SNTG1: variants seen among roughly 807,000 people sequenced by gnomAD.
SNTG1 encodes syntrophin gamma 1.
In SNTG1, 39 loss-of-function variants were observed where a neutral mutation model predicts 74.7. The observed-to-expected ratio is 0.52, with a 90% CI of 0.40 to 0.68. The LOEUF (loss-of-function observed/expected upper bound fraction) is 0.68. SNTG1 is among the 30% of genes least tolerant of loss of function. The probability of loss-of-function intolerance (pLI) is 0.00; values close to 1 mark genes in which losing one functional copy is unlikely to be tolerated. For synonymous variants in SNTG1, 254 were observed against 217.1 expected (o/e 1.17, Z -1.49); for missense variants, 685 against 609.5 (o/e 1.12, Z -1.30).
intron 1 of SNTG1, among the ~76,000 whole-genome samples, chr8:49,932,805 T>C (rs1807716716): frequency 6.6e-6 from 1 of 151,520 alleles, no homozygotes; most frequent in Non-Finnish European, 1.5e-5. Flanking sequence ...TGGCAACCAC[T>C]AATATATTTT....
intron 1 of SNTG1, among the ~76,000 whole-genome samples, chr8:49,933,420 C>A (rs1417845921): frequency 6.6e-6 from 1 of 152,182 alleles, no homozygotes; most frequent in Admixed American, 6.5e-5. Context: ...GCTCAAGATT[C>A]ATTCCTAAAT....
chr8:50,421,168 G>A (rs1397987190), intron 4 of SNTG1, among the ~76,000 whole-genome samples: 1 of 151,756 alleles, frequency 6.6e-6, no homozygotes, highest in Non-Finnish European at 1.5e-5. Flanking sequence ...TACCCCAAGA[G>A]AGGGCTCTTA....
chr8:50,068,319 A>C (rs1821068414), intron 1 of SNTG1, among the ~76,000 whole-genome samples: 1 of 152,092 alleles, frequency 6.6e-6, no homozygotes, highest in South Asian at 2.1e-4. Flanking sequence ...ATCCTTGTTA[A>C]TTGTAGCTTT....
At chr8:50,319,277 T>C (rs1373081693) in intron 2 of SNTG1, among the ~76,000 whole-genome samples, 1 of 152,120 alleles carries the variant, frequency 6.6e-6, no homozygotes, top group Non-Finnish European at 1.5e-5. Context: ...GGCAGGAGAA[T>C]CGCTTGAACC....
intron 8 of SNTG1, among the ~76,000 whole-genome samples, chr8:50,476,139 G>T (rs76144473): frequency 1.3e-5 from 2 of 151,906 alleles, no homozygotes; most frequent in African/African-American, 4.8e-5. Flanking sequence ...TTTTCAAGTC[G>T]CCCTAATTTT....
intron 8 of SNTG1, among the ~76,000 whole-genome samples, chr8:50,476,435 CT>C (rs2093697390): frequency 6.6e-6 from 1 of 152,086 alleles, no homozygotes; most frequent in Non-Finnish European, 1.5e-5. Flanking sequence ...TTAAAAATTT[CT>C]GAAACTGCTA....
intron 1 of SNTG1, among the ~76,000 whole-genome samples, chr8:50,165,141 C>T (rs1293757073): frequency 6.6e-6 from 1 of 152,156 alleles, no homozygotes; most frequent in Admixed American, 6.5e-5. Flanking sequence ...TGATGAGCTT[C>T]ACAGGCATAG....
intron 4 of SNTG1, among the ~76,000 whole-genome samples, chr8:50,426,004 A>G (rs1019344586): frequency 6.6e-6 from 1 of 152,208 alleles, no homozygotes; most frequent in African/African-American, 2.4e-5. Context: ...TTTATTATTT[A>G]GGACAGTTTT....
chr8:50,770,691 G>T (rs765443908), intron 18 of SNTG1, among the ~76,000 whole-genome samples: 1 of 152,066 alleles, frequency 6.6e-6, no homozygotes, highest in Non-Finnish European at 1.5e-5. Flanking sequence ...AGTGTGATGA[G>T]GTGGGGCCTA....
chr8:50,153,284 G>A (rs910540305), intron 1 of SNTG1, among the ~76,000 whole-genome samples: 1 of 152,058 alleles, frequency 6.6e-6, no homozygotes, highest in Non-Finnish European at 1.5e-5. Flanking sequence ...CTCTACACTG[G>A]TTATTCTAGT....
intron 2 of SNTG1, among the ~76,000 whole-genome samples, chr8:50,334,089 G>A (rs2091058560): frequency 6.6e-6 from 1 of 152,202 alleles, no homozygotes; most frequent in Non-Finnish European, 1.5e-5. Context: ...TAGAGATGGG[G>A]TTTTGCCATG....
intron 14 of SNTG1, among the ~76,000 whole-genome samples, chr8:50,657,846 G>C (rs979715778): frequency 6.6e-6 from 1 of 151,874 alleles, no homozygotes; most frequent in Non-Finnish European, 1.5e-5. Context: ...CTCAAGTCTT[G>C]CTTTTGGAAA....
intron 1 of SNTG1, among the ~76,000 whole-genome samples, chr8:50,076,128 A>C (rs983431730): frequency 6.6e-6 from 1 of 152,208 alleles, no homozygotes; most frequent in South Asian, 2.1e-4. Flanking sequence ...AAACCTGTGG[A>C]AGCTTGATGG....
intron 4 of SNTG1, among the ~76,000 whole-genome samples, chr8:50,420,800 G>A (rs769521881): frequency 1.4e-5 from 2 of 138,630 alleles, no homozygotes; most frequent in Admixed American, 1.4e-4. Context: ...GCTGAGGCGG[G>A]TGGATCATGA....
At chr8:50,135,256 T>C (rs192104623) in intron 1 of SNTG1, among the ~76,000 whole-genome samples, 16 of 152,340 alleles carry the variant, frequency 1.1e-4, no homozygotes, top group Non-Finnish European at 1.5e-4. Flanking sequence ...TTTTATCCTA[T>C]GTGAATACTT....
intron 1 of SNTG1, among the ~76,000 whole-genome samples, chr8:49,969,405 T>TGAAATGGACTC (rs1563410175): frequency 7.2e-6 from 1 of 139,606 alleles, no homozygotes; most frequent in Non-Finnish European, 1.5e-5. Flanking sequence ...TTTTTTTTTT[T>TGAAATGGACTC]TTTTTTTTTG....
At chr8:49,925,705 A>T (rs1303755939) in intron 1 of SNTG1, among the ~76,000 whole-genome samples, 1 of 152,190 alleles carries the variant, frequency 6.6e-6, no homozygotes, top group Non-Finnish European at 1.5e-5. Context: ...GTAGCATTTG[A>T]GATCCATTTT....
chr8:50,569,526 AAAACAAAAAAC>A (rs1382628063), intron 12 of SNTG1, among the ~76,000 whole-genome samples: 142 of 151,060 alleles, frequency 9.4e-4, no homozygotes, highest in Middle Eastern at 3.4e-3. Flanking sequence ...AAAAAATCAA[AAAACAAAAAAC>A]AAACAAAAAA....
chr8:50,447,467 A>G (rs1157999563), intron 5 of SNTG1, among the ~76,000 whole-genome samples: 1 of 152,186 alleles, frequency 6.6e-6, no homozygotes, highest in Non-Finnish European at 1.5e-5. Context: ...GATTCATTTG[A>G]GTTAACCAGC....
Sources: gnomAD v4.1 joint callset for allele counts (sites outside exome capture counted in the v4.1 genomes callset) on GRCh38, gnomAD v4.1.1 for gene constraint, MANE v1.5 for transcripts, NCBI Gene and HGNC (gene_info 2026-07-23, HGNC 2026-07-21) for gene names.